The following MGAT4C variants were observed in gnomAD, a reference collection of about 807,000 sequenced individuals.
MGAT4C encodes MGAT4 family member C.
In MGAT4C, 19 loss-of-function variants were observed where a neutral mutation model predicts 40.1. The ratio of observed to expected loss-of-function variants is 0.47; its 90% CI spans 0.33 to 0.70. The LOEUF is 0.70. MGAT4C is among the 30% of genes least tolerant of loss of function. The pLI is 0.02. For synonymous variants in MGAT4C, 181 were observed against 187.1 expected, an observed-to-expected ratio of 0.97 and a Z score of 0.27; for missense variants, 491 against 563.2, an observed-to-expected ratio of 0.87 and a Z score of 1.30.
intron 2 of MGAT4C, among the ~76,000 whole-genome samples, chr12:86,497,748 G>T (rs1174380351): frequency 6.6e-6 from 1 of 151,072 alleles, no homozygotes. Context: ...TGACTGTATT[G>T]TGCCCCATTA....
intron 1 of MGAT4C, among the ~76,000 whole-genome samples, chr12:86,762,525 G>A (rs1951425894): frequency 6.6e-6 from 1 of 152,176 alleles, no homozygotes. Flanking sequence ...CTCTCACATA[G>A]CCACTCAAAC....
intron 2 of MGAT4C, among the ~76,000 whole-genome samples, chr12:86,547,633 TTTTG>T (rs1456116122): frequency 3.3e-5 from 5 of 152,090 alleles, no homozygotes; most frequent in African/African-American, 1.2e-4. Context: ...ATTTGGTAAA[TTTTG>T]TTTATTACTT....
intron 1 of MGAT4C, among the ~76,000 whole-genome samples, chr12:86,781,571 A>C (rs550548747): frequency 6.6e-6 from 1 of 152,304 alleles, no homozygotes; most frequent in South Asian, 2.1e-4. Context: ...AAATTTATTC[A>C]CTGAGAAACA....
At chr12:86,271,468 C>A (rs1952945647) in intron 4 of MGAT4C, among the ~76,000 whole-genome samples, 1 of 152,076 alleles carries the variant, frequency 6.6e-6, no homozygotes, top group African/African-American at 2.4e-5. Context: ...GCACAATAAG[C>A]TACCATCTTA....
At chr12:86,575,022 C>CT (rs1278984565) in intron 2 of MGAT4C, among the ~76,000 whole-genome samples, 3 of 151,600 alleles carry the variant, frequency 2.0e-5, no homozygotes, top group Non-Finnish European at 4.4e-5. Context: ...TTTTCCAGGT[C>CT]TATGTTACAT....
chr12:86,503,340 T>TAGA (rs1225663306), intron 2 of MGAT4C, among the ~76,000 whole-genome samples: 1 of 16,056 alleles, frequency 6.2e-5, no homozygotes, highest in East Asian at 4.7e-3. Flanking sequence ...TATATATATA[T>TAGA]GAGTTCTGCT....
chr12:86,721,326 T>C (rs1226147075), intron 2 of MGAT4C, among the ~76,000 whole-genome samples: 1 of 151,796 alleles, frequency 6.6e-6, no homozygotes, highest in African/African-American at 2.4e-5. Context: ...ACGTCAACAT[T>C]TGAGGATTAA....
chr12:86,270,844 T>C (rs899511345), intron 4 of MGAT4C, among the ~76,000 whole-genome samples: 7 of 152,100 alleles, frequency 4.6e-5, no homozygotes, highest in African/African-American at 1.7e-4. Flanking sequence ...TGAAACAATT[T>C]AAAAAGCAGA....
chr12:86,833,534 TCA>T (rs1404000325), intron 1 of MGAT4C, among the ~76,000 whole-genome samples: 1 of 151,850 alleles, frequency 6.6e-6, no homozygotes, highest in African/African-American at 2.4e-5. Flanking sequence ...CCCTGTGTCT[TCA>T]CACAGTCTTT....
rs182984684 is a variant in MGAT4C at position 86,254,621 on chromosome 12, T to A, written c.-57+1618A>T. ...AGAGTACTTAGGGAAAGAAAAAAAA[T>A]TCATTTCAAAGCAGTGACTCATGCT... On this transcript the variant is annotated intron_variant, in intron 1 of 4. Coordinates refer to ENST00000611864, the MANE Select transcript of MGAT4C (RefSeq NM_001351288.2). Among the ~76,000 whole-genome samples, 24 of 152,080 alleles carry A rather than the reference T, an allele frequency of 1.6e-4. No homozygotes were observed. In the East Asian group the frequency reaches 4.6e-3, roughly 29 times the overall value.
intron 3 of MGAT4C, among the ~76,000 whole-genome samples, chr12:86,402,375 A>G (rs1956383690): frequency 6.6e-6 from 1 of 152,150 alleles, no homozygotes; most frequent in African/African-American, 2.4e-5. Context: ...CAGTGAGCCA[A>G]GATGGTGCCA....
At chr12:86,158,377 TTAAAA>T (rs1173388464) in intron 1 of MGAT4C, among the ~76,000 whole-genome samples, 4 of 152,172 alleles carry the variant, frequency 2.6e-5, no homozygotes, top group African/African-American at 4.8e-5. Flanking sequence ...TTATGCATTA[TTAAAA>T]TAAAGCAAAT....
chr12:86,250,867 T>C (rs1952244790), intron 1 of MGAT4C, among the ~76,000 whole-genome samples: 1 of 152,104 alleles, frequency 6.6e-6, no homozygotes, highest in South Asian at 2.1e-4. Context: ...AAGTAATTAG[T>C]ATGATTGGTT....
chr12:86,380,572 CT>C (rs1204725641), intron 3 of MGAT4C, among the ~76,000 whole-genome samples: 4 of 152,050 alleles, frequency 2.6e-5, no homozygotes, highest in African/African-American at 9.7e-5. Flanking sequence ...TCTTCCATGC[CT>C]AAAAGAATGA....
At chr12:86,331,390 T>C (rs1592706158) in intron 4 of MGAT4C, among the ~76,000 whole-genome samples, 2 of 152,264 alleles carry the variant, frequency 1.3e-5, no homozygotes, top group South Asian at 2.1e-4. Flanking sequence ...AGTCGAATGT[T>C]TAAACTCTAC....
chr12:86,677,391 G>A (rs754472885), intron 2 of MGAT4C, among the ~76,000 whole-genome samples: 1 of 152,032 alleles, frequency 6.6e-6, no homozygotes, highest in Admixed American at 6.6e-5. Flanking sequence ...AATGGCTATA[G>A]AGCTATGTAC....
chr12:86,490,049 C>T (rs563090737), intron 2 of MGAT4C, among the ~76,000 whole-genome samples: 4 of 152,148 alleles, frequency 2.6e-5, no homozygotes, highest in South Asian at 4.2e-4. Context: ...CAGGCCAACA[C>T]TCAGATTCAG....
chr12:86,358,823 A>T (rs1329742803), intron 3 of MGAT4C, among the ~76,000 whole-genome samples: 1 of 152,210 alleles, frequency 6.6e-6, no homozygotes, highest in East Asian at 1.9e-4. Context: ...CCAGATTCAT[A>T]AAGCAAGTCC....
intron 2 of MGAT4C, among the ~76,000 whole-genome samples, chr12:86,653,487 T>C (rs1963754190): frequency 6.6e-6 from 1 of 151,950 alleles, no homozygotes; most frequent in Admixed American, 6.6e-5. Context: ...AGTAGGGCTT[T>C]ATCCGAATGC....
Sources: gnomAD v4.1 joint callset for allele counts (sites outside exome capture counted in the v4.1 genomes callset) on GRCh38, gnomAD v4.1.1 for gene constraint, MANE v1.5 for transcripts, NCBI Gene and HGNC (gene_info 2026-07-23, HGNC 2026-07-21) for gene names.